Variants in PARD3B observed in about 807,000 individuals in gnomAD.
The protein encoded by PARD3B is partitioning defective 3 homolog B.
Under a neutral mutation model 130.2 loss-of-function variants are expected in PARD3B, and 103 were observed. The observed-to-expected ratio is 0.79, with a 90% CI of 0.67 to 0.93. PARD3B has a LOEUF of 0.93. Ranked by LOEUF, PARD3B falls within the 40% of genes least tolerant of loss-of-function variation. PARD3B has a pLI of 0.00. For synonymous variants in PARD3B, 583 were observed against 553.2 expected (o/e 1.05, Z -0.76); for missense variants, 1,609 against 1,499.2 (o/e 1.07, Z -1.21).
chr2:205,155,445 G>A (rs940138232), intron 10 of PARD3B, among the ~76,000 whole-genome samples: 1 of 152,080 alleles, frequency 6.6e-6, no homozygotes, highest in African/African-American at 2.4e-5. Context: ...AAGTACTTCA[G>A]TTGGCCAGTG....
At chr2:204,555,794 T>C (rs1006002793) in intron 1 of PARD3B, among the ~76,000 whole-genome samples, 1 of 152,186 alleles carries the variant, frequency 6.6e-6, no homozygotes, top group Non-Finnish European at 1.5e-5. Flanking sequence ...TCCTAAAATA[T>C]TTTCTCTCAG....
intron 1 of PARD3B, among the ~76,000 whole-genome samples, chr2:204,679,683 A>G (rs1401548564): frequency 6.6e-6 from 1 of 150,814 alleles, no homozygotes; most frequent in Non-Finnish European, 1.5e-5. Context: ...AATTTTTTTT[A>G]ATCTTTAACT....
chr2:205,579,975 G>A (rs190917417), intron 22 of PARD3B, among the ~76,000 whole-genome samples: 199 of 152,208 alleles, frequency 1.3e-3, no homozygotes, highest in African/African-American at 4.7e-3. Flanking sequence ...TAAGTAACGG[G>A]GGAATAAAGT....
intron 21 of PARD3B, among the ~76,000 whole-genome samples, chr2:205,535,002 A>G (rs1000837627): frequency 6.6e-5 from 10 of 152,114 alleles, no homozygotes; most frequent in Non-Finnish European, 1.3e-4. Flanking sequence ...ATCGGGACAC[A>G]TGAGTTTCCA....
intron 22 of PARD3B, among the ~76,000 whole-genome samples, chr2:205,569,410 G>A (rs1159673948): frequency 6.6e-6 from 1 of 151,788 alleles, no homozygotes; most frequent in Non-Finnish European, 1.5e-5. Flanking sequence ...TATGCAAAAG[G>A]TTATCTCTCA....
chr2:204,610,952 C>G lies in PARD3B; in HGVS notation c.120+64833C>G, dbSNP rs745952813. Among the ~76,000 whole-genome samples, 30 of 152,152 alleles carry G rather than the reference C, an allele frequency of 2.0e-4. No individual in the cohort carries two copies. Among genetic ancestry groups the G allele is most frequent in the Non-Finnish European group, 3.8e-4 (26 of 68,038 alleles). ...AATGTACACTGAAAATGATTGTTCCCAAACTGCATTTCCTGCTTTTCGAAA... is the reference window on the plus strand; with the variant it reads ...AATGTACACTGAAAATGATTGTTCCGAAACTGCATTTCCTGCTTTTCGAAA... On this transcript the variant is annotated intron_variant, in intron 1 of 22. Transcript: ENST00000406610. The surrounding 1 kb of genome is among the most constrained non-coding windows in gnomAD (Gnocchi z 4.1).
chr2:204,915,796 G>A (rs1206729965), intron 2 of PARD3B, among the ~76,000 whole-genome samples: 1 of 152,122 alleles, frequency 6.6e-6, no homozygotes, highest in Non-Finnish European at 1.5e-5. Flanking sequence ...TTTTTCTGTG[G>A]TTTCATTGTC....
At chr2:204,805,642 C>T (rs1466692859) in intron 2 of PARD3B, among the ~76,000 whole-genome samples, 1 of 152,098 alleles carries the variant, frequency 6.6e-6, no homozygotes, top group Non-Finnish European at 1.5e-5. Flanking sequence ...CCCTGATGAA[C>T]ATTGATGAAA....
chr2:205,480,347 A>G (rs2049186356), intron 20 of PARD3B, among the ~76,000 whole-genome samples: 1 of 152,196 alleles, frequency 6.6e-6, no homozygotes, highest in Admixed American at 6.5e-5. Context: ...ATTAAAAGAA[A>G]GAGGACTTTC....
intron 19 of PARD3B, among the ~76,000 whole-genome samples, chr2:205,435,384 G>A (rs980517272): frequency 1.3e-5 from 2 of 151,876 alleles, no homozygotes; most frequent in Non-Finnish European, 2.9e-5. Context: ...TATTATAATA[G>A]CACTTTGTGT....
chr2:205,113,816 T>G (rs920014753), intron 6 of PARD3B, among the ~76,000 whole-genome samples: 1 of 152,180 alleles, frequency 6.6e-6, no homozygotes, highest in Admixed American at 6.5e-5. Flanking sequence ...TATGAAATAC[T>G]TTCTTAAAGT....
At chr2:204,546,389 C>T (rs1010462420) in intron 1 of PARD3B, among the ~76,000 whole-genome samples, 17 of 152,140 alleles carry the variant, frequency 1.1e-4, no homozygotes, top group African/African-American at 3.9e-4. Flanking sequence ...TCCAAACCCA[C>T]CGACTCAGGA....
intron 1 of PARD3B, among the ~76,000 whole-genome samples, chr2:204,597,690 G>T (rs1381713947): frequency 6.6e-6 from 1 of 152,156 alleles, no homozygotes; most frequent in Non-Finnish European, 1.5e-5. Flanking sequence ...ATGTGTTGCT[G>T]TCCAGAGTAG....
intron 1 of PARD3B, among the ~76,000 whole-genome samples, chr2:204,555,385 C>G (rs2030848221): frequency 6.6e-6 from 1 of 152,056 alleles, no homozygotes; most frequent in African/African-American, 2.4e-5. Flanking sequence ...TGGTGAAACC[C>G]CGTCTCTACT....
chr2:204,937,868 A>G (rs559494740), intron 2 of PARD3B, among the ~76,000 whole-genome samples: 1 of 152,328 alleles, frequency 6.6e-6, no homozygotes, highest in African/African-American at 2.4e-5. Flanking sequence ...ATTAGAAACT[A>G]TGAACAGTTT....
intron 1 of PARD3B, among the ~76,000 whole-genome samples, chr2:204,570,211 A>ACT (rs1346575755): frequency 1.3e-5 from 2 of 152,124 alleles, no homozygotes; most frequent in African/African-American, 4.8e-5. Flanking sequence ...AGCTTGTTGT[A>ACT]CTCTGAGTGA....
chr2:204,864,033 G>C (rs888052008), intron 2 of PARD3B, among the ~76,000 whole-genome samples: 1 of 152,042 alleles, frequency 6.6e-6, no homozygotes, highest in African/African-American at 2.4e-5. Context: ...TTTCCATGGG[G>C]GTGTTCCTTT....
intron 21 of PARD3B, among the ~76,000 whole-genome samples, chr2:205,542,418 T>C (rs1294449197): frequency 6.6e-6 from 1 of 151,312 alleles, no homozygotes; most frequent in Non-Finnish European, 1.5e-5. Context: ...TTGGTTTGGT[T>C]TTCCAAACCA....
chr2:204,711,241 C>G (rs930978572), intron 2 of PARD3B, among the ~76,000 whole-genome samples: 3 of 152,052 alleles, frequency 2.0e-5, no homozygotes, highest in African/African-American at 4.8e-5. Context: ...CCTCTTCTCC[C>G]CATATTTCTA....
Sources: allele counts gnomAD v4.1 joint callset (sites outside exome capture counted in the v4.1 genomes callset), GRCh38; gene constraint gnomAD v4.1.1; non-coding constraint Gnocchi (gnomAD v3.1); transcripts MANE v1.5; gene names NCBI Gene and HGNC (gene_info 2026-07-23, HGNC 2026-07-21).